The following SGSM3 variants were observed in gnomAD, a reference collection of about 807,000 sequenced individuals.
SGSM3 encodes RUN and SH3 containing 3.
A neutral mutation model predicts 100.5 loss-of-function variants in SGSM3; 96 were observed. The observed-to-expected ratio is 0.96, with a 90% confidence interval of 0.81 to 1.13. The LOEUF is 1.13. SGSM3 is among the 50% of genes most tolerant of loss of function. The probability of loss-of-function intolerance (pLI) is 0.00; values close to 1 mark genes in which losing one functional copy is unlikely to be tolerated. For missense variants in SGSM3, 1,001 were observed against 1,015.8 expected (o/e 0.99, Z 0.20); for synonymous variants, 483 against 422.8 (o/e 1.14, Z -1.75).
chr22:40,384,714 G>A (rs2048153791), intron 1 of SGSM3, among the ~76,000 whole-genome samples: 1 of 152,174 alleles, frequency 6.6e-6, no homozygotes, highest in African/African-American at 2.4e-5. Flanking sequence ...CTGGGAGGCG[G>A]AGTTTGCAGT....
At chr22:40,402,267 C>T in intron 4 of SGSM3, 62 bp downstream of exon 4, 1 of 1,284,132 alleles carries the variant, frequency 7.8e-7, no homozygotes, top group South Asian at 1.2e-5. Flanking sequence ...ACTCCGCTCC[C>T]TTGACTGAAT....
intron 1 of SGSM3, chr22:40,372,786 A>G (rs2045845057): frequency 6.6e-6 from 1 of 152,190 alleles, no homozygotes; most frequent in African/African-American, 2.4e-5. Context: ...GTGTGTTTTC[A>G]GTTTTTCTCT....
chr22:40,403,250 C>T (rs35607262), intron 4 of SGSM3, among the ~76,000 whole-genome samples: 3,296 of 152,322 alleles, frequency 0.022, 55 homozygotes, highest in Middle Eastern at 0.051. Flanking sequence ...TCTTTGAAAG[C>T]TGGGCTGAGG....
intron 9 of SGSM3, 71 bp from the exon 10 acceptor site, chr22:40,406,367 T>G: frequency 6.7e-7 from 1 of 1,493,948 alleles, no homozygotes; most frequent in Non-Finnish European, 9.0e-7. Context: ...AGGATGGGGG[T>G]TGGGGTCAGC....
chr22:40,389,791 C>T (rs2049091780), intron 1 of SGSM3, among the ~76,000 whole-genome samples: 1 of 150,536 alleles, frequency 6.6e-6, no homozygotes, highest in Non-Finnish European at 1.5e-5. Context: ...GTAATTCCAG[C>T]TACTCGGGAG....
intron 10 of SGSM3, 74 bp downstream of exon 10, chr22:40,406,736 C>T (rs112032733): frequency 6.3e-5 from 81 of 1,279,060 alleles, no homozygotes; most frequent in African/African-American, 2.2e-4. Flanking sequence ...GTTCAGAGCG[C>T]GGGGGCTGCG....
chr22:40,403,708 G>C (rs929309599), intron 4 of SGSM3, among the ~76,000 whole-genome samples: 4 of 152,180 alleles, frequency 2.6e-5, no homozygotes, highest in Non-Finnish European at 5.9e-5. Flanking sequence ...TTAAGTCTCA[G>C]CTCTGAGCAG....
At chr22:40,371,739 C>T (rs1003358973) in intron 1 of SGSM3, among the ~76,000 whole-genome samples, 1 of 151,834 alleles carries the variant, frequency 6.6e-6, no homozygotes, top group Non-Finnish European at 1.5e-5. Context: ...CGCTCTTGCC[C>T]GGGCTGGAGT....
Position 40,410,056 on chromosome 22 carries a change from G to A in SGSM3, c.*297G>A. Reference sequence around the variant, plus strand: ...AGAGGGAAGGGGATGGGGGTGGCTAGTAGGCTCCTGGCCTCTTTGGTTTAT... The same window carrying A: ...AGAGGGAAGGGGATGGGGGTGGCTAATAGGCTCCTGGCCTCTTTGGTTTAT... On this transcript the variant is annotated 3_prime_UTR_variant, in exon 22 of 22. Transcript: ENST00000248929. The A allele has an allele frequency of 2.3e-5, 30 of 1,294,326 alleles. No homozygotes were observed. Among genetic ancestry groups the A allele is most frequent in the Non-Finnish European group, 2.8e-5 (29 of 1,022,752 alleles). The allele number at this position is 1,294,326 out of a possible 1,614,324, so 80.2% of individuals were successfully genotyped here.
rs774227583 is a variant in SGSM3, at chr22:40,406,189, T to C, written c.926T>C (p.Leu309Pro). Residue 309 changes from leucine (L) to proline (P), a missense_variant, in exon 9 of 22, where the codon CTG becomes CCG. Leu to Pro is a moderately conservative substitution (Grantham distance 98). Coordinates refer to ENST00000248929, the MANE Select transcript of SGSM3 (RefSeq NM_015705.6). Reference sequence around the variant, plus strand: ...TTTTTCTACGAGGGCTCCCGGGTGCTGTTCCAGCTCACGCTGGGCATGCTG... The same window carrying C: ...TTTTTCTACGAGGGCTCCCGGGTGCCGTTCCAGCTCACGCTGGGCATGCTG... ...DLFFYEGSRV[L>P]FQLTLGMLHL... 9.3e-6 allele frequency: 15 copies of C among 1,614,000 alleles called. No individual in the cohort carries two copies. Among genetic ancestry groups the C allele is most frequent in the Non-Finnish European group, 1.3e-5 (15 of 1,180,040 alleles).
rs1056659436 is a variant in SGSM3 at position 40,405,655 on chromosome 22, G to A, written c.625G>A (p.Ala209Thr). Reference sequence around the variant, plus strand: ...GTCCCTGTGCCCTGGCCAGGTGGCCGCCTGCCTCCTGCTGTTCCTGGAGGA... The same window carrying A: ...GTCCCTGTGCCCTGGCCAGGTGGCCACCTGCCTCCTGCTGTTCCTGGAGGA... ...GYCQGTGMVA[A>T]CLLLFLEEED... The change falls in exon 8 of 22, where the codon GCC (alanine) becomes ACC (threonine). Residue 209 changes from alanine (A) to threonine (T), a missense_variant. Transcript: ENST00000248929. The A allele has an allele frequency of 3.3e-5, 54 of 1,612,274 alleles. No homozygotes were observed. The highest frequency in any genetic ancestry group is 3.6e-5 in the Non-Finnish European group (42 of 1,179,118).
chr22:40,404,035 GAGA>G (rs1171858880), intron 4 of SGSM3: 7 of 415,128 alleles, frequency 1.7e-5, no homozygotes. Flanking sequence ...TGGCTTTGAG[GAGA>G]AGGTGAAGAG....
intron 4 of SGSM3, among the ~76,000 whole-genome samples, chr22:40,402,569 A>G (rs1249660971): frequency 6.6e-6 from 1 of 152,092 alleles, no homozygotes; most frequent in Non-Finnish European, 1.5e-5. Context: ...GTGAAACCCC[A>G]TCTCTACTAA....
At chr22:40,405,097 G>A (rs758612571) in intron 6 of SGSM3, 44 bp from the exon 7 acceptor site, 50 of 1,467,660 alleles carry the variant, frequency 3.4e-5, no homozygotes, top group Non-Finnish European at 4.4e-5. Flanking sequence ...CTCCCAGGGT[G>A]TCACAAGGTC....
intron 1 of SGSM3, among the ~76,000 whole-genome samples, chr22:40,378,657 C>T (rs901782813): frequency 2.0e-5 from 3 of 150,486 alleles, no homozygotes; most frequent in East Asian, 2.0e-4. Flanking sequence ...ACCCAGGAGG[C>T]GGAGGTTGCA....
rs567864462 is a variant in SGSM3, at chr22:40,396,115, T to C, written c.-111-4581T>C. 2.0e-5 allele frequency among the ~76,000 whole-genome samples: 3 copies of C among 152,364 alleles called. No individual in the cohort carries two copies. The East Asian group carries it at 5.8e-4, about 29-fold the overall frequency. On this transcript the variant is annotated intron_variant, in intron 1 of 21. Coordinates refer to ENST00000248929, the MANE Select transcript of SGSM3 (RefSeq NM_015705.6). ...CATGTTTCTTTGAGCATTTATTGTC[T>C]GATTTTACCCCTTTTTAGCATCTAT...
At chr22:40,393,878 C>T (rs1389058692) in intron 1 of SGSM3, among the ~76,000 whole-genome samples, 5 of 152,200 alleles carry the variant, frequency 3.3e-5, no homozygotes, top group Admixed American at 1.3e-4. Flanking sequence ...GGTTCCAGCT[C>T]TTAATACTAT....
intron 1 of SGSM3, among the ~76,000 whole-genome samples, chr22:40,390,977 A>G (rs545608090): frequency 1.3e-5 from 2 of 152,228 alleles, no homozygotes; most frequent in Non-Finnish European, 2.9e-5. Context: ...GGACAGATAC[A>G]CATGTACATA....
Position 40,393,220 on chromosome 22 carries a change from A to G in SGSM3, c.-111-7476A>G, listed in dbSNP as rs534788243. Among the ~76,000 whole-genome samples, 3 of 152,286 alleles carry G rather than the reference A, an allele frequency of 2.0e-5. No homozygotes were observed. In the East Asian group the frequency reaches 5.8e-4, roughly 29 times the overall value. On this transcript the variant is annotated intron_variant, in intron 1 of 21. Transcript: ENST00000248929. Reference sequence around the variant, plus strand: ...CAACCTCCGCCTCCCAGATTCAAGCAATTCTCCCGCCTCGGCCTCCCAAAT... The same window carrying G: ...CAACCTCCGCCTCCCAGATTCAAGCGATTCTCCCGCCTCGGCCTCCCAAAT...
Sources: gnomAD v4.1 joint callset for allele counts (sites outside exome capture counted in the v4.1 genomes callset) on GRCh38, gnomAD v4.1.1 for gene constraint, MANE v1.5 for transcripts, NCBI Gene and HGNC (gene_info 2026-07-23, HGNC 2026-07-21) for gene names.